Variants in NRXN3 observed in about 807,000 individuals in gnomAD.
NRXN3 encodes neurexin III.
A neutral mutation model predicts 137.6 loss-of-function variants in NRXN3; 32 were observed. The observed-to-expected ratio is 0.23, with a 90% CI of 0.18 to 0.31. NRXN3 has a LOEUF of 0.31. NRXN3 is among the 10% of genes least tolerant of loss of function. The probability of loss-of-function intolerance (pLI) is 1.00; values close to 1 mark genes in which losing one functional copy is unlikely to be tolerated. For missense variants in NRXN3, 1,574 were observed against 2,062.5 expected (o/e 0.76, Z 4.59); for synonymous variants, 798 against 784.5 (o/e 1.02, Z -0.29).
intron 10 of NRXN3, among the ~76,000 whole-genome samples, chr14:78,942,843 A>G (rs1184751526): frequency 1.3e-5 from 2 of 152,206 alleles, no homozygotes; most frequent in Non-Finnish European, 2.9e-5. Context: ...ATCAATATAT[A>G]TTATATGTAT....
intron 10 of NRXN3, among the ~76,000 whole-genome samples, chr14:78,893,049 C>A (rs1188085320): frequency 6.6e-6 from 1 of 151,834 alleles, no homozygotes; most frequent in Admixed American, 6.6e-5. Flanking sequence ...TCTGTCCCTA[C>A]CCCTGATTGC....
intron 15 of NRXN3, among the ~76,000 whole-genome samples, chr14:79,399,241 C>T (rs983772696): frequency 6.6e-5 from 10 of 152,142 alleles, no homozygotes; most frequent in African/African-American, 2.4e-4. Flanking sequence ...CACACTCTTA[C>T]ATAGCTCCCA....
intron 1 of NRXN3, among the ~76,000 whole-genome samples, chr14:78,175,050 CG>C (rs1336737220): frequency 6.6e-6 from 1 of 152,166 alleles, no homozygotes; most frequent in African/African-American, 2.4e-5. Context: ...CACCCTCGGC[CG>C]TGAGAGCAGC....
At chr14:78,431,630 A>G (rs1298558187) in intron 4 of NRXN3, among the ~76,000 whole-genome samples, 1 of 152,120 alleles carries the variant, frequency 6.6e-6, no homozygotes, top group Non-Finnish European at 1.5e-5. Flanking sequence ...TTTGGTCTTC[A>G]TATGATAGGT....
intron 15 of NRXN3, among the ~76,000 whole-genome samples, chr14:79,390,675 G>C (rs2094816115): frequency 6.6e-6 from 1 of 152,158 alleles, no homozygotes; most frequent in Non-Finnish European, 1.5e-5. Flanking sequence ...GACAATGGCA[G>C]CTTCTTGGGA....
At chr14:79,082,350 A>T (rs2047201538) in intron 15 of NRXN3, among the ~76,000 whole-genome samples, 1 of 151,184 alleles carries the variant, frequency 6.6e-6, no homozygotes, top group Non-Finnish European at 1.5e-5. Flanking sequence ...AAGGAGTGAA[A>T]ACATTTTTGC....
intron 4 of NRXN3, chr14:78,526,647 C>G (rs1285251834): frequency 2.6e-6 from 1 of 392,006 alleles, no homozygotes; most frequent in African/African-American, 2.1e-5. Context: ...ATAATAGTAA[C>G]TAACAATTAA....
chr14:78,356,366 A>C (rs931980592), intron 4 of NRXN3, among the ~76,000 whole-genome samples: 1 of 152,256 alleles, frequency 6.6e-6, no homozygotes, highest in African/African-American at 2.4e-5. Flanking sequence ...AGATATTTCA[A>C]TTCTATGCCT....
At chr14:78,330,881 A>G (rs956466664) in intron 4 of NRXN3, among the ~76,000 whole-genome samples, 4 of 152,214 alleles carry the variant, frequency 2.6e-5, no homozygotes, top group Admixed American at 6.5e-5. Context: ...CAAATTTACT[A>G]GCAGTTTTTC....
chr14:78,945,206 G>A (rs1318840782), intron 10 of NRXN3, among the ~76,000 whole-genome samples: 1 of 152,240 alleles, frequency 6.6e-6, no homozygotes, highest in Non-Finnish European at 1.5e-5. Context: ...GCATTTTAAA[G>A]ATAAAACTAT....
At chr14:78,730,123 G>A (rs2098507998) in intron 8 of NRXN3, among the ~76,000 whole-genome samples, 2 of 152,166 alleles carry the variant, frequency 1.3e-5, no homozygotes, top group Admixed American at 1.3e-4. Flanking sequence ...CTGTAACTCA[G>A]TATTAGCTAT....
chr14:79,609,116 A>G (rs2098064983), intron 16 of NRXN3, among the ~76,000 whole-genome samples: 1 of 152,026 alleles, frequency 6.6e-6, no homozygotes, highest in Non-Finnish European at 1.5e-5. Flanking sequence ...TTTAACCCCT[A>G]GGTCTCCTTC....
intron 15 of NRXN3, among the ~76,000 whole-genome samples, chr14:79,054,935 G>T (rs768342936): frequency 6.6e-6 from 1 of 152,166 alleles, no homozygotes; most frequent in Admixed American, 6.5e-5. Flanking sequence ...TTTGTGAGCT[G>T]CAGGGTTCAG....
At chr14:79,472,317 A>C (rs2096520263) in intron 16 of NRXN3, among the ~76,000 whole-genome samples, 1 of 152,126 alleles carries the variant, frequency 6.6e-6, no homozygotes, top group African/African-American at 2.4e-5. Flanking sequence ...TCTGGGCCTT[A>C]TAAAAGTTAA....
intron 14 of NRXN3, among the ~76,000 whole-genome samples, chr14:78,984,879 C>T (rs61995273): frequency 0.31 from 46,622 of 151,948 alleles, 8,609 homozygotes; most frequent in African/African-American, 0.5. Context: ...GCAGGGGCTC[C>T]TAGGAGCTCA....
intron 15 of NRXN3, chr14:79,201,520 C>A (rs1359121586): frequency 6.6e-6 from 1 of 152,090 alleles, no homozygotes. Flanking sequence ...GGTATTAAAA[C>A]CTCTGAGATT....
chr14:79,792,205 A>G (rs2099147411), intron 19 of NRXN3, among the ~76,000 whole-genome samples: 1 of 152,222 alleles, frequency 6.6e-6, no homozygotes, highest in African/African-American at 2.4e-5. Flanking sequence ...AAAAAGCAAG[A>G]AAAAGACTAC....
At chr14:79,296,958 C>T (rs2084273421) in intron 15 of NRXN3, among the ~76,000 whole-genome samples, 1 of 152,234 alleles carries the variant, frequency 6.6e-6, no homozygotes, top group Non-Finnish European at 1.5e-5. Context: ...AAAGGTCCTT[C>T]TGCCTTCTTG....
intron 15 of NRXN3, among the ~76,000 whole-genome samples, chr14:78,997,025 A>T (rs1462415864): frequency 1.3e-5 from 2 of 152,048 alleles, no homozygotes; most frequent in Admixed American, 1.3e-4. Flanking sequence ...TTAAGAAGGG[A>T]TGATTTGGAG....
Sources: allele counts gnomAD v4.1 joint callset (sites outside exome capture counted in the v4.1 genomes callset), GRCh38; gene constraint gnomAD v4.1.1; transcripts MANE v1.5; gene names NCBI Gene and HGNC (gene_info 2026-07-23, HGNC 2026-07-21).